The following CAST variants were observed in gnomAD, a reference collection of about 807,000 sequenced individuals.
CAST encodes calpastatin.
Under a neutral mutation model 119.6 loss-of-function variants are expected in CAST, and 76 were observed. The ratio of observed to expected loss-of-function variants is 0.64; its 90% CI spans 0.53 to 0.77. The LOEUF (loss-of-function observed/expected upper bound fraction) is 0.77, where lower values mean the gene tolerates loss of function less well. Among genes scored for constraint, CAST ranks in the 30% least tolerant of loss-of-function variants. CAST has a pLI of 0.00. For synonymous variants in CAST, 319 were observed against 331.6 expected, an observed-to-expected ratio of 0.96 and a Z score of 0.41; for missense variants, 953 against 946.5, an observed-to-expected ratio of 1.01 and a Z score of -0.09.
At chr5:96,731,392 C>T (rs1313168841) in intron 9 of CAST, among the ~76,000 whole-genome samples, 4 of 151,282 alleles carry the variant, frequency 2.6e-5, no homozygotes, top group African/African-American at 9.7e-5. Context: ...CCAATACTTG[C>T]CCAGGAATAT....
the CAST span, among the ~76,000 whole-genome samples, chr5:96,021,609 C>G: frequency 3.3e-5 from 5 of 152,080 alleles, no homozygotes; most frequent in Middle Eastern, 3.2e-3. Context: ...CCACGCCCAG[C>G]TAATTTTTTT....
the CAST span, among the ~76,000 whole-genome samples, chr5:96,017,151 T>C: frequency 6.6e-6 from 1 of 152,144 alleles, no homozygotes; most frequent in Non-Finnish European, 1.5e-5. Context: ...TCTATTTTAA[T>C]CTGCACCACA....
the CAST span, among the ~76,000 whole-genome samples, chr5:96,091,508 T>TA: frequency 0.014 from 1,926 of 138,492 alleles, 39 homozygotes; most frequent in African/African-American, 0.049. Flanking sequence ...CCTGGCCTTT[T>TA]TTTTTTTTTT....
In CAST at chr5:96,588,730, G is replaced by A. The variant is rs138248041; in HGVS notation, c.60+58850G>A. ...CCTTTTCTCTAATGTAACACACCATGTACTACAATTTATTGGCCATAAAAC... is the reference window on the plus strand; with the variant it reads ...CCTTTTCTCTAATGTAACACACCATATACTACAATTTATTGGCCATAAAAC... On this transcript the variant is annotated intron_variant, in intron 1 of 11. Transcript: ENST00000505143. Among the ~76,000 whole-genome samples, 706 of 152,236 alleles carry A rather than the reference G, an allele frequency of 4.6e-3. 11 individuals are homozygous for A. Among genetic ancestry groups the A allele is most frequent in the African/African-American group, 0.016 (672 of 41,518 alleles).
intron 3 of CAST, among the ~76,000 whole-genome samples, chr5:96,703,338 G>A (rs111911155): frequency 6.6e-6 from 1 of 152,084 alleles, no homozygotes; most frequent in Non-Finnish European, 1.5e-5. Flanking sequence ...CTCCCCAGCC[G>A]TGCCGCCACC....
chr5:96,556,966 C>G (rs1372770066), intron 1 of CAST, among the ~76,000 whole-genome samples: 2 of 152,004 alleles, frequency 1.3e-5, no homozygotes, highest in Non-Finnish European at 2.9e-5. Flanking sequence ...AGAGAAAGGT[C>G]GGGTTACCCA....
chr5:96,734,382 A>G (rs2150476176), intron 9 of CAST, among the ~76,000 whole-genome samples: 1 of 152,290 alleles, frequency 6.6e-6, no homozygotes, highest in East Asian at 1.9e-4. Flanking sequence ...AGTTAGGTGG[A>G]TGGGATAGAG....
At chr5:95,975,982 G>C in the CAST span, among the ~76,000 whole-genome samples, 106 of 152,174 alleles carry the variant, frequency 7.0e-4, no homozygotes, top group Non-Finnish European at 1.4e-3. Flanking sequence ...AGAAATTGTT[G>C]CTTGTAATCT....
the CAST span, among the ~76,000 whole-genome samples, chr5:96,081,851 G>A: frequency 2.0e-5 from 3 of 152,166 alleles, no homozygotes; most frequent in African/African-American, 7.2e-5. Context: ...CTTCTCCATT[G>A]TAAATGATTT....
chr5:96,379,374 G>A, the CAST span, among the ~76,000 whole-genome samples: 219 of 152,270 alleles, frequency 1.4e-3, 2 homozygotes, highest in South Asian at 0.027. Context: ...CTTGAAACAA[G>A]TATTTAGTGA....
intron 3 of CAST, among the ~76,000 whole-genome samples, chr5:96,717,767 G>C (rs1757441768): frequency 6.6e-6 from 1 of 152,078 alleles, no homozygotes; most frequent in African/African-American, 2.4e-5. Context: ...CTCAATATGG[G>C]GTCATGATGA....
intron 3 of CAST, among the ~76,000 whole-genome samples, chr5:96,719,421 G>T (rs916380488): frequency 2.0e-5 from 3 of 152,170 alleles, no homozygotes; most frequent in African/African-American, 4.8e-5. Context: ...TCGGCCTCCC[G>T]AGGTGCTGGG....
chr5:96,142,774 A>C, the CAST span, among the ~76,000 whole-genome samples: 1 of 152,242 alleles, frequency 6.6e-6, no homozygotes, highest in Non-Finnish European at 1.5e-5. Flanking sequence ...ATACAGGAAT[A>C]AACATGATTT....
At chr5:96,163,822 A>C in the CAST span, among the ~76,000 whole-genome samples, 2 of 152,190 alleles carry the variant, frequency 1.3e-5, no homozygotes, top group African/African-American at 4.8e-5. Context: ...CTACCCCATA[A>C]AACTGTTGCG....
chr5:96,534,791 AAG>A (rs1335911992), intron 1 of CAST, among the ~76,000 whole-genome samples: 1 of 127,644 alleles, frequency 7.8e-6, no homozygotes, highest in East Asian at 2.0e-4. Context: ...GAAAGAAAGA[AAG>A]AAAGAAAGAA....
intron 16 of CAST, among the ~76,000 whole-genome samples, chr5:96,744,976 T>C (rs1581234766): frequency 6.6e-6 from 1 of 152,222 alleles, no homozygotes; most frequent in South Asian, 2.1e-4. Flanking sequence ...AGGCTCTTTT[T>C]TTTCGATGCC....
the CAST span, among the ~76,000 whole-genome samples, chr5:96,107,440 ATT>A: frequency 2.6e-5 from 4 of 151,868 alleles, no homozygotes; most frequent in East Asian, 7.8e-4. Context: ...ATCTCTCAGC[ATT>A]TGCTTGTCTG....
chr5:96,370,606 G>C, the CAST span, among the ~76,000 whole-genome samples: 31 of 151,522 alleles, frequency 2.0e-4, no homozygotes, highest in Admixed American at 7.9e-4. Flanking sequence ...TCACAGTAAG[G>C]GGTAGGCCTG....
chr5:96,193,098 T>C, the CAST span, among the ~76,000 whole-genome samples: 2 of 152,216 alleles, frequency 1.3e-5, no homozygotes, highest in Non-Finnish European at 2.9e-5. Context: ...TAAGAGCTTA[T>C]GGAAAAATTT....
Sources: allele counts gnomAD v4.1 joint callset (sites outside exome capture counted in the v4.1 genomes callset), GRCh38; gene constraint gnomAD v4.1.1; transcripts MANE v1.5; gene names NCBI Gene and HGNC (gene_info 2026-07-23, HGNC 2026-07-21).